The following NOS3 variants were observed in gnomAD, a reference collection of about 807,000 sequenced individuals.
NOS3 encodes the protein NOS type III.
A neutral mutation model predicts 144.9 loss-of-function variants in NOS3; 98 were observed. The ratio of observed to expected loss-of-function variants is 0.68; its 90% CI spans 0.57 to 0.80. The LOEUF is 0.80. Ranked by LOEUF, NOS3 falls within the 30% of genes least tolerant of loss-of-function variation. The pLI is 0.00. For missense variants in NOS3, 1,465 were observed against 1,656.4 expected, an observed-to-expected ratio of 0.88 and a Z score of 2.01; for synonymous variants, 714 against 702.4, an observed-to-expected ratio of 1.02 and a Z score of -0.26.
rs1356868804 is a variant in NOS3 at position 151,014,549 on chromosome 7, C to T, written c.*380C>T. The T allele has an allele frequency of 9.7e-6, 2 of 206,738 alleles. No individual in the cohort carries two copies. Among genetic ancestry groups the T allele is most frequent in the Non-Finnish European group, 1.9e-5 (2 of 104,450 alleles). 12.8% of individuals were successfully genotyped at this position (206,738 alleles called of 1,614,324 possible). A position where few individuals can be genotyped will look rare whatever the true frequency, so the allele number is the denominator to read the frequency against. On this transcript the variant is annotated 3_prime_UTR_variant, in exon 27 of 27. Coordinates refer to ENST00000297494, the MANE Select transcript of NOS3 (RefSeq NM_000603.5). ...GAAGATTTACCATAAGGGACTGTGC[C>T]AGATGTTAGGAGAACTACTAAAGTG...
chr7:151,012,545 C>T, intron 24 of NOS3, 73 bp downstream of exon 24: 1 of 1,522,568 alleles, frequency 6.6e-7, no homozygotes, highest in Non-Finnish European at 9.0e-7. Flanking sequence ...GGCTGGAAGG[C>T]AGGAAATAGG....
At chr7:150,996,248 C>G (rs543128834) in intron 3 of NOS3, among the ~76,000 whole-genome samples, 156 bp from the exon 4 acceptor site, 6 of 5,376 alleles carry the variant, frequency 1.1e-3, no homozygotes, top group Admixed American at 4.7e-3. Flanking sequence ...TCTCACCCAT[C>G]CCACCCCTGC....
Position 151,003,912 on chromosome 7 carries a change from A to G in NOS3, c.1752+1608A>G. On this transcript the variant is annotated intron_variant, in intron 14 of 26. Transcript: ENST00000297494. This position sits in a 1 kb window ranked among gnomAD's most constrained non-coding sequence, Gnocchi z 4.1. ...TTTCCAGGTCGGGGCTATTATGAAT[A>G]AACCTGTTATGAACATTCTTGTACC... The G allele has an allele frequency of 2.8e-6, 1 of 354,130 alleles. No homozygotes were observed. Among genetic ancestry groups the G allele is most frequent in the Non-Finnish European group, 5.6e-6 (1 of 179,592 alleles). 21.9% of individuals were successfully genotyped at this position (354,130 alleles called of 1,614,324 possible).
In NOS3 at chr7:151,001,980, AG is replaced by A; in HGVS notation, c.1647+19del. 1.2e-6 allele frequency: 2 copies of A among 1,612,712 alleles called. No individual in the cohort carries two copies. Among genetic ancestry groups the A allele is most frequent in the Non-Finnish European group, 1.7e-6 (2 of 1,179,618 alleles). On this transcript the variant is annotated intron_variant, in intron 13 of 26. Coordinates refer to ENST00000297494, the MANE Select transcript of NOS3 (RefSeq NM_000603.5). ...TTGATCCCCGGGTAGGGCTGAGCCC[AG>A]GGGAGCAGGGAGCTAGAAAGAGGGG...
intron 5 of NOS3, among the ~76,000 whole-genome samples, chr7:150,997,884 T>G (rs1476787610): frequency 6.6e-6 from 1 of 152,128 alleles, no homozygotes; most frequent in African/African-American, 2.4e-5. Flanking sequence ...AGCCTCCTCC[T>G]GGGGCCTCCA....
Position 151,014,254 on chromosome 7 carries a change from C to G in NOS3, c.*85C>G. ...GACCAGGATCAGCCCCGCTCCTCCC[C>G]TCTTGAGGTGGTGCCTTCTCACATC... On this transcript the variant is annotated 3_prime_UTR_variant, in exon 27 of 27. Transcript: ENST00000297494. 3 of 1,338,416 alleles carry G rather than the reference C, an allele frequency of 2.2e-6. No homozygotes were observed. Among genetic ancestry groups the G allele is most frequent in the South Asian group, 1.4e-5 (1 of 72,878 alleles). The allele number at this position is 1,338,416 out of a possible 1,614,324, so 82.9% of individuals were successfully genotyped here. A position where few individuals can be genotyped will look rare whatever the true frequency, so the allele number is the denominator to read the frequency against.
At chr7:150,996,617 C>A (rs1802432431) in intron 4 of NOS3, 65 bp downstream of exon 4, 1 of 1,529,964 alleles carries the variant, frequency 6.5e-7, no homozygotes, top group Non-Finnish European at 8.9e-7. Flanking sequence ...CCCGTGACGA[C>A]CTTCCCATGA....
Position 150,993,358 on chromosome 7 carries a change from T to A in NOS3, c.-51-395T>A, listed in dbSNP as rs1802295056. Among the ~76,000 whole-genome samples, 1 of 152,128 alleles carries A rather than the reference T, an allele frequency of 6.6e-6. No individual in the cohort carries two copies. The highest frequency in any genetic ancestry group is 1.5e-5 in the Non-Finnish European group (1 of 68,004). The stretch of plus-strand genomic sequence containing the variant: ...GAGAGTGTGGGCTGCCATCCCCTGC[T>A]ACAGAAACGGTGCTCACCTTCTGCC... On this transcript the variant is annotated intron_variant, in intron 1 of 26. Coordinates refer to ENST00000297494, the MANE Select transcript of NOS3 (RefSeq NM_000603.5). This position sits in a 1 kb window ranked among gnomAD's most constrained non-coding sequence, Gnocchi z 4.0.
chr7:151,011,900 A>T, intron 23 of NOS3: 1 of 399,516 alleles, frequency 2.5e-6, no homozygotes, highest in South Asian at 1.8e-5. Flanking sequence ...GCCAGGAACC[A>T]AAAGTCCTGG....
At position 150,993,476 on chromosome 7, in the gene NOS3, T is replaced by G. The variant is rs1802298128; in HGVS notation, c.-51-277T>G. ...AGGACCTTTATGACCCCCTGGTGGC[T>G]CTACCCTGCCACTCCCCAATGCCCC... is the stretch of plus-strand genomic sequence containing the variant. On this transcript the variant is annotated intron_variant, in intron 1 of 26. Transcript: ENST00000297494. The surrounding 1 kb of genome is among the most constrained non-coding windows in gnomAD (Gnocchi z 4.0). 6.6e-6 allele frequency among the ~76,000 whole-genome samples: 1 copy of G among 152,056 alleles called. No individual in the cohort carries two copies. Among genetic ancestry groups the G allele is most frequent in the Non-Finnish European group, 1.5e-5 (1 of 67,976 alleles).
In NOS3 at chr7:150,999,219, G is replaced by A. The variant is rs1329785228; in HGVS notation, c.986G>A (p.Arg329His). Reference sequence around the variant, plus strand: ...GAGTGGTTTGCAGCCCTGGGCCTGCGCTGGTACGCCCTCCCGGCAGTGTCC... The same window carrying A: ...GAGTGGTTTGCAGCCCTGGGCCTGCACTGGTACGCCCTCCCGGCAGTGTCC... ...TLEWFAALGL[R>H]WYALPAVSNM... Residue 329 changes from arginine to histidine, a missense_variant, in exon 9 of 27, where the codon CGC (arginine) becomes CAC (histidine). Arg to His is a conservative substitution (Grantham distance 29). Coordinates refer to ENST00000297494, the MANE Select transcript of NOS3 (RefSeq NM_000603.5). 6.8e-6 allele frequency: 11 copies of A among 1,610,824 alleles called. No individual in the cohort carries two copies. Among genetic ancestry groups the A allele is most frequent in the South Asian group, 2.2e-5 (2 of 90,990 alleles).
rs1041449849 is a variant in NOS3 at position 151,013,466 on chromosome 7, G to C, written c.3255+87G>C. Reference sequence around the variant, plus strand: ...TCTCCAGCGGGGCACACCAACCACGGCCCTCCCGTGGCCTCCCACGACCAC... The same window carrying C: ...TCTCCAGCGGGGCACACCAACCACGCCCCTCCCGTGGCCTCCCACGACCAC... On this transcript the variant is annotated intron_variant, in intron 25 of 26. Coordinates refer to ENST00000297494, the MANE Select transcript of NOS3 (RefSeq NM_000603.5). 2.0e-6 allele frequency: 3 copies of C among 1,485,272 alleles called. No individual in the cohort carries two copies. In the African/African-American group the frequency reaches 4.2e-5, roughly 21 times the overall value. The allele number at this position is 1,485,272 out of a possible 1,614,324, so 92.0% of individuals were successfully genotyped here. A position where few individuals can be genotyped will look rare whatever the true frequency, so the allele number is the denominator to read the frequency against.
At position 151,002,038 on chromosome 7, in the gene NOS3, G is replaced by A. The variant is rs981365163; in HGVS notation, c.1647+73G>A. On this transcript the variant is annotated intron_variant, in intron 13 of 26. Transcript: ENST00000297494. The surrounding 1 kb of genome is among the most constrained non-coding windows in gnomAD (Gnocchi z 4.1). ...TCAGCATCTTCAGGGGTGCCCTGGAGGACAGGAAGTGTTACAAGTCAGGAC... is the reference window on the plus strand; with the variant it reads ...TCAGCATCTTCAGGGGTGCCCTGGAAGACAGGAAGTGTTACAAGTCAGGAC... 2 of 1,579,530 alleles carry A rather than the reference G, an allele frequency of 1.3e-6. No homozygotes were observed. Among genetic ancestry groups the A allele is most frequent in the Non-Finnish European group, 1.7e-6 (2 of 1,155,932 alleles).
chr7:151,008,834 C>G, intron 17 of NOS3, 96 bp from the exon 18 acceptor site: 2 of 1,377,482 alleles, frequency 1.5e-6, no homozygotes, highest in Non-Finnish European at 1.9e-6. Context: ...GGCTGCCAAC[C>G]CCCCAGGAGC....
intron 1 of NOS3, among the ~76,000 whole-genome samples, chr7:150,992,147 TA>T (rs11371169): frequency 9.4e-4 from 135 of 143,546 alleles, no homozygotes; most frequent in Non-Finnish European, 1.2e-3. Context: ...AGACTCTGTC[TA>T]AAAAAAAAAA....
rs550680447 is a variant in NOS3 at position 151,014,468 on chromosome 7, T to C, written c.*299T>C. 2 of 425,314 alleles carry C rather than the reference T, an allele frequency of 4.7e-6. No individual in the cohort carries two copies. The highest frequency in any genetic ancestry group is 8.4e-6 in the Non-Finnish European group (2 of 238,930). The allele number at this position is 425,314 out of a possible 1,614,324, so 26.3% of individuals were successfully genotyped here. A position where few individuals can be genotyped will look rare whatever the true frequency, so the allele number is the denominator to read the frequency against. ...AGTCGAATGTTAGATTCCTCTTGCC[T>C]CTCTCAGGAGTATCTTACCTGTAAA... is the stretch of plus-strand genomic sequence containing the variant. On this transcript the variant is annotated 3_prime_UTR_variant, in exon 27 of 27. Coordinates refer to ENST00000297494, the MANE Select transcript of NOS3 (RefSeq NM_000603.5).
In NOS3 at chr7:151,010,143, C is replaced by T. The variant is rs1418315596; in HGVS notation, c.2541C>T (p.Asp847=). 3 of 1,606,044 alleles carry T rather than the reference C, an allele frequency of 1.9e-6. No homozygotes were observed. Among genetic ancestry groups the T allele is most frequent in the South Asian group, 2.2e-5 (2 of 90,382 alleles). Residue 847 remains aspartate (D), a synonymous_variant, in exon 21 of 27, where the codon GAC becomes GAT. Transcript: ENST00000297494. ...GCCCTCCCCCCGGCTGGGTGCGGGA[C>T]CCCCGGCTGCCCCCGTGCACGCTGC... ...PGGPPPGWVR[D]PRLPPCTLRQ...
intron 9 of NOS3, 100 bp from the exon 10 acceptor site, chr7:151,000,398 T>C: frequency 1.3e-6 from 1 of 798,038 alleles, no homozygotes; most frequent in Non-Finnish European, 2.2e-6. Flanking sequence ...ACCACTCACC[T>C]CACTCCTTCC....
intron 9 of NOS3, among the ~76,000 whole-genome samples, 170 bp downstream of exon 9, chr7:150,999,534 G>A (rs1355217971): frequency 1.3e-5 from 2 of 152,168 alleles, no homozygotes. Context: ...AAAGGGGTAG[G>A]GGGTGGCAGG....
Sources: gnomAD v4.1 joint callset for allele counts (sites outside exome capture counted in the v4.1 genomes callset) on GRCh38, gnomAD v4.1.1 for gene constraint, Gnocchi (gnomAD v3.1) non-coding constraint, MANE v1.5 for transcripts, NCBI Gene and HGNC (gene_info 2026-07-23, HGNC 2026-07-21) for gene names.